Variants in RHBDF1 observed in about 807,000 individuals in gnomAD.
RHBDF1 encodes rhomboid 5 homolog 1.
In RHBDF1, 80 loss-of-function variants were observed where a neutral mutation model predicts 98.6. That is an observed-to-expected ratio of 0.81 (90% CI 0.68 to 0.98). RHBDF1 has a LOEUF of 0.98. Ranked by LOEUF, RHBDF1 falls within the 50% of genes least tolerant of loss-of-function variation. The pLI, the probability that RHBDF1 is intolerant of heterozygous loss-of-function variation, is 0.00. For missense variants in RHBDF1, 1,116 were observed against 1,198.3 expected (o/e 0.93, Z 1.01); for synonymous variants, 512 against 486.8 (o/e 1.05, Z -0.68).
At chr16:73,739 T>A (rs1356975659), upstream of RHBDF1, among the ~76,000 whole-genome samples, 1 of 152,134 alleles carries the variant, frequency 6.6e-6, no homozygotes, top group Non-Finnish European at 1.5e-5. Flanking sequence ...GACAAATGTG[T>A]CTTCAGGCCC....
chr16:73,815 C>T (rs1424342415), upstream of RHBDF1: 1 of 405,056 alleles, frequency 2.5e-6, no homozygotes, highest in Non-Finnish European at 3.4e-6. Flanking sequence ...CCAGCCCTCT[C>T]CAAACTGAGC....
intron 1 of RHBDF1, among the ~76,000 whole-genome samples, chr16:65,468 C>T (rs1396201895): frequency 2.0e-5 from 3 of 152,224 alleles, no homozygotes; most frequent in African/African-American, 7.2e-5. Flanking sequence ...TGACAGGAGG[C>T]AGTGAGGCCT....
At chr16:72,758 GGGCTCCCTTCTCCCCA>G (rs138609065), upstream of RHBDF1, 25,874 of 917,744 alleles carry the variant, frequency 0.028, 1,088 homozygotes, top group South Asian at 0.16. Context: ...GAAGGCCGCC[GGGCTCCCTTCTCCCCA>G]GGGTCCGCCT....
chr16:58,964 C>T lies in RHBDF1; in HGVS notation c.2148+10G>A. 1.9e-6 allele frequency: 3 copies of T among 1,612,410 alleles called. No homozygotes were observed. Among genetic ancestry groups the T allele is most frequent in the Non-Finnish European group, 2.5e-6 (3 of 1,179,648 alleles). Reference sequence around the variant, plus strand: ...CACGGGAGGATCCCCACCCTGAGGGCCAGCCTTACCTCTGCTCGGTATGGC... The same window carrying T: ...CACGGGAGGATCCCCACCCTGAGGGTCAGCCTTACCTCTGCTCGGTATGGC... On this transcript the variant is annotated intron_variant, in intron 17 of 17. Coordinates refer to ENST00000262316, the MANE Select transcript of RHBDF1 (RefSeq NM_022450.5).
chr16:62,449 C>T (rs1313847733), intron 7 of RHBDF1, 89 bp downstream of exon 7: 1 of 1,517,774 alleles, frequency 6.6e-7, no homozygotes, highest in African/African-American at 1.4e-5. Context: ...CTTCCATCGC[C>T]CACAGAGGTG....
At chr16:60,405 A>G (rs1356973843) in intron 12 of RHBDF1, 34 bp downstream of exon 12, 9 of 1,604,810 alleles carry the variant, frequency 5.6e-6, no homozygotes, top group Non-Finnish European at 7.7e-6. Flanking sequence ...AGGTGTGGAC[A>G]AAGGCAGGTG....
Position 60,559 on chromosome 16 carries a change from G to T in RHBDF1, c.1558-20C>A. 1.3e-6 allele frequency: 2 copies of T among 1,594,932 alleles called. No homozygotes were observed. Among genetic ancestry groups the T allele is most frequent in the South Asian group, 1.1e-5 (1 of 90,834 alleles). On this transcript the variant is annotated intron_variant, in intron 11 of 17. Transcript: ENST00000262316. ...CGTGGACTGTGGGAGGGGGACACAG[G>T]GTCAGGTCCAGTTGGGTCAGGGCAA...
intron 1 of RHBDF1, among the ~76,000 whole-genome samples, chr16:68,749 G>C (rs216608): frequency 0.081 from 12,274 of 152,274 alleles, 838 homozygotes; most frequent in South Asian, 0.18. Context: ...CGTCCCCTCT[G>C]GCTGCCTGCA....
At position 61,857 on chromosome 16, in the gene RHBDF1, G is replaced by A. The variant is rs1178005800; in HGVS notation, c.1149C>T (p.Thr383=). 1 of 1,611,060 alleles carries A rather than the reference G, an allele frequency of 6.2e-7. No individual in the cohort carries two copies. Among genetic ancestry groups the A allele is most frequent in the Admixed American group, 1.7e-5 (1 of 59,966 alleles). Residue 383 remains threonine (T), a synonymous_variant, in exon 8 of 18, where the codon ACC becomes ACT. Coordinates refer to ENST00000262316, the MANE Select transcript of RHBDF1 (RefSeq NM_022450.5). ...CGAAGCTGTCGATGCGCTTGCGGTA[G>A]GTGCGGTTGGTGAGCCGTCCCACCA... ...LGMVGRLTNR[T]YRKRIDSFVK... is the part of the protein sequence containing the mutation.
rs1768505952 is a variant in RHBDF1 at position 61,087 on chromosome 16, A to G, written c.1557+33T>C. Reference sequence around the variant, plus strand: ...GGTCTGAAGAGCGAACACCGGGCAGACGAAGGCGGGAGTCCCGGGCGGGGA... The same window carrying G: ...GGTCTGAAGAGCGAACACCGGGCAGGCGAAGGCGGGAGTCCCGGGCGGGGA... On this transcript the variant is annotated intron_variant, in intron 11 of 17. Transcript: ENST00000262316. 2.0e-6 allele frequency: 3 copies of G among 1,513,028 alleles called. No homozygotes were observed. The African/African-American group carries it at 4.1e-5, about 21-fold the overall frequency. The allele number at this position is 1,513,028 out of a possible 1,614,324, so 93.7% of individuals were successfully genotyped here.
Position 60,224 on chromosome 16 carries a change from T to C in RHBDF1, c.1714A>G (p.Lys572Glu). ...CCCCCACTGCAGCTCACCGGCCACT[T>C]GGTGATGTCTTCTGGCCACTCATGA... ...DPHEWPEDIT[K>E]WPICTKNSAG... Residue 572 changes from lysine to glutamate, a missense_variant, in exon 13 of 18, where the codon AAG (lysine) becomes GAG (glutamate). Coordinates refer to ENST00000262316, the MANE Select transcript of RHBDF1 (RefSeq NM_022450.5). The C allele has an allele frequency of 6.2e-7, 1 of 1,613,970 alleles. No individual in the cohort carries two copies. The highest frequency in any genetic ancestry group is 8.5e-7 in the Non-Finnish European group (1 of 1,179,980).
chr16:75,225 G>A (rs985547959), upstream of RHBDF1, among the ~76,000 whole-genome samples: 2 of 152,178 alleles, frequency 1.3e-5, no homozygotes, highest in African/African-American at 4.8e-5. Flanking sequence ...GGGGCTGGTG[G>A]GCAGGCGTCT....
chr16:70,243 T>TCACTGCTAGTC (rs2141869141), intron 1 of RHBDF1, among the ~76,000 whole-genome samples: 1 of 152,294 alleles, frequency 6.6e-6, no homozygotes, highest in South Asian at 2.1e-4. Flanking sequence ...GGTATGCTGG[T>TCACTGCTAGTC]CACTGCTAGT....
In RHBDF1 at chr16:58,743, G is replaced by A; in HGVS notation, c.2165C>T (p.Ser722Phe). The change falls in exon 18 of 18, where the codon TCC becomes TTC. Residue 722 changes from serine to phenylalanine, a missense_variant. Transcript: ENST00000262316. ...GAGGCAGGCCAGGATGCCGAACTGG[G>A]AGCCAGCAGGACCCACCTGGGGGAT... ...PYRAEVGPAG[S>F]QFGILACLFV... is the part of the protein sequence containing the mutation. The A allele has an allele frequency of 1.9e-6, 3 of 1,612,500 alleles. No homozygotes were observed. The highest frequency in any genetic ancestry group is 2.5e-6 in the Non-Finnish European group (3 of 1,179,686).
In RHBDF1 at chr16:64,774, T is replaced by C; in HGVS notation, c.173A>G (p.His58Arg). 2 of 1,613,980 alleles carry C rather than the reference T, an allele frequency of 1.2e-6. No homozygotes were observed. The highest frequency in any genetic ancestry group is 1.7e-6 in the Non-Finnish European group (2 of 1,179,982). The part of the protein sequence containing the change: ...RSVSMPAETA[H>R]ISSPHHELRR... ...GAGCTCATGGTGGGGTGAAGAGATG[T>C]GGGCTGTCTCGGCTGGCATACTCAC... Residue 58 changes from histidine (H) to arginine (R), a missense_variant, in exon 3 of 18, where the codon CAC (histidine) becomes CGC (arginine). Transcript: ENST00000262316.
chr16:69,539 G>A (rs1208363002), intron 1 of RHBDF1, among the ~76,000 whole-genome samples: 1 of 151,968 alleles, frequency 6.6e-6, no homozygotes, highest in African/African-American at 2.4e-5. Context: ...CTGACCCTCA[G>A]TCTTCTGTTT....
chr16:66,705 C>T (rs1390863230), intron 1 of RHBDF1, among the ~76,000 whole-genome samples: 1 of 152,230 alleles, frequency 6.6e-6, no homozygotes, highest in Admixed American at 6.5e-5. Flanking sequence ...CTTTGGGGCA[C>T]TCCCCAGGCA....
chr16:74,724 A>C (rs992208304), upstream of RHBDF1: 6 of 152,160 alleles, frequency 3.9e-5, no homozygotes, highest in African/African-American at 1.4e-4. Context: ...GAAGAATCAC[A>C]AAAGAAGTGA....
At chr16:69,799 C>G (rs1431126720) in intron 1 of RHBDF1, among the ~76,000 whole-genome samples, 1 of 152,202 alleles carries the variant, frequency 6.6e-6, no homozygotes, top group African/African-American at 2.4e-5. Flanking sequence ...TGGAGCAGGG[C>G]AGGCCTGAGA....
Sources: gnomAD v4.1 joint callset for allele counts (sites outside exome capture counted in the v4.1 genomes callset) on GRCh38, gnomAD v4.1.1 for gene constraint, MANE v1.5 for transcripts, NCBI Gene and HGNC (gene_info 2026-07-23, HGNC 2026-07-21) for gene names.